Variants in PCDHGA4 observed in about 807,000 individuals in gnomAD.
The protein encoded by PCDHGA4 is protocadherin gamma-A4.
PCDHGA4 carries 38 observed loss-of-function variants against 54.6 expected under a neutral mutation model. The ratio of observed to expected loss-of-function variants is 0.70; its 90% CI spans 0.54 to 0.91. The LOEUF (loss-of-function observed/expected upper bound fraction) is 0.91, where lower values mean the gene tolerates loss of function less well. Ranked by LOEUF, PCDHGA4 falls within the 40% of genes least tolerant of loss-of-function variation. The probability of loss-of-function intolerance (pLI) is 0.00; values close to 1 mark genes in which losing one functional copy is unlikely to be tolerated. For synonymous variants in PCDHGA4, 511 were observed against 512.9 expected, an observed-to-expected ratio of 1.00 and a Z score of 0.05; for missense variants, 1,298 against 1,220.9, an observed-to-expected ratio of 1.06 and a Z score of -0.94.
At chr5:141,378,986 C>T (rs1369970851) in intron 1 of PCDHGA4, 2 of 152,156 alleles carry the variant, frequency 1.3e-5, no homozygotes, top group African/African-American at 4.8e-5. Flanking sequence ...TGTTGAACTA[C>T]ATTATAGTCA....
intron 1 of PCDHGA4, among the ~76,000 whole-genome samples, chr5:141,449,868 T>C (rs902371897): frequency 1.3e-5 from 2 of 151,910 alleles, no homozygotes; most frequent in African/African-American, 4.8e-5. Flanking sequence ...AATCAGAAAA[T>C]TTAACATCAA....
chr5:141,382,789 T>A, intron 1 of PCDHGA4: 1 of 924,650 alleles, frequency 1.1e-6, no homozygotes, highest in Non-Finnish European at 1.6e-6. Flanking sequence ...CAAGCCTCTA[T>A]CCTGCTGGAT....
intron 1 of PCDHGA4, chr5:141,421,422 C>T (rs908483513): frequency 6.2e-7 from 1 of 1,614,086 alleles, no homozygotes; most frequent in Non-Finnish European, 8.5e-7. Flanking sequence ...AGCGCGGAGT[C>T]CGCATCGTCT....
intron 1 of PCDHGA4, chr5:141,375,232 C>G: frequency 6.2e-7 from 1 of 1,613,986 alleles, no homozygotes; most frequent in Non-Finnish European, 8.5e-7. Flanking sequence ...GCCTGGTAAC[C>G]TGTTCCATCC....
chr5:141,386,620 C>T (rs73279071), intron 1 of PCDHGA4, among the ~76,000 whole-genome samples: 2 of 151,558 alleles, frequency 1.3e-5, no homozygotes, highest in Non-Finnish European at 2.9e-5. Context: ...CATGGAGTCT[C>T]GCTCTGTCAC....
At chr5:141,467,628 C>G (rs181245841) in intron 1 of PCDHGA4, among the ~76,000 whole-genome samples, 49 of 152,224 alleles carry the variant, frequency 3.2e-4, no homozygotes, top group African/African-American at 1.1e-3. Context: ...TTTGAGATAG[C>G]ATCTTTATCA....
At position 141,381,798 on chromosome 5, in the gene PCDHGA4, C is replaced by CTCTT. The variant is rs372235829; in HGVS notation, c.2514+24198_2514+24201dup. ...ATCAGGAACAAGGCAAGGCAATTCC[C>CTCTT]TCTTTCTTTCTTTCTTTCTTTCTTC... is the stretch of plus-strand genomic sequence containing the variant. On this transcript the variant is annotated intron_variant, in intron 1 of 3. Coordinates refer to ENST00000571252, the MANE Select transcript of PCDHGA4 (RefSeq NM_018917.4). Among the ~76,000 whole-genome samples, 697 of 144,002 alleles carry CTCTT rather than the reference C, an allele frequency of 4.8e-3. 9 individuals carry two copies. The highest frequency in any genetic ancestry group is 9.2e-3 in the South Asian group (42 of 4,556). 94.5% of individuals were successfully genotyped at this position (144,002 alleles called of 152,430 possible).
chr5:141,441,843 G>T, intron 1 of PCDHGA4: 1 of 356,176 alleles, frequency 2.8e-6, no homozygotes. Context: ...TCGCGCTCTT[G>T]GATATGGTGC....
At chr5:141,389,813 C>T (rs575968401) in intron 1 of PCDHGA4, 18 of 1,613,844 alleles carry the variant, frequency 1.1e-5, no homozygotes, top group South Asian at 2.2e-5. Flanking sequence ...TTCTGGTCGC[C>T]GTGCGTGACG....
chr5:141,489,696 C>T lies in PCDHGA4; in HGVS notation c.2515-5111C>T. On this transcript the variant is annotated intron_variant, in intron 1 of 3. Transcript: ENST00000571252. This position sits in a 1 kb window ranked among gnomAD's most constrained non-coding sequence, Gnocchi z 4.5. ...AATCAGCAGCATCTGGGGCACGATT[C>T]CCACTGGACAGTGCCCAGGATCCGG... 6.2e-7 allele frequency: 1 copy of T among 1,614,170 alleles called. No homozygotes were observed. Among genetic ancestry groups the T allele is most frequent in the Non-Finnish European group, 8.5e-7 (1 of 1,180,002 alleles).
At chr5:141,501,881 C>T (rs1396427606) in intron 2 of PCDHGA4, among the ~76,000 whole-genome samples, 1 of 152,124 alleles carries the variant, frequency 6.6e-6, no homozygotes, top group East Asian at 1.9e-4. Context: ...CCTTACACTC[C>T]TGATCATCAT....
chr5:141,510,251 C>G (rs569804850), intron 3 of PCDHGA4, among the ~76,000 whole-genome samples: 1 of 144,724 alleles, frequency 6.9e-6, no homozygotes, highest in African/African-American at 2.6e-5. Flanking sequence ...CCAGGCTGGG[C>G]GACAGAGCAG....
chr5:141,462,486 G>A (rs62379193), intron 1 of PCDHGA4, among the ~76,000 whole-genome samples: 5,124 of 152,042 alleles, frequency 0.034, 100 homozygotes, highest in Middle Eastern at 0.088. Flanking sequence ...CGTGGTTGTT[G>A]TATCCTATAA....
Position 141,384,211 on chromosome 5 carries a change from A to G in PCDHGA4, c.2514+26590A>G, listed in dbSNP as rs1779844245. On this transcript the variant is annotated intron_variant, in intron 1 of 3. Transcript: ENST00000571252. The stretch of plus-strand genomic sequence containing the variant: ...TCCTCCCTTGTCCAGGGAAACTCAC[A>G]TATTCATGCAGGTGGCAGACACCAA... The G allele has an allele frequency of 6.2e-7, 1 of 1,613,880 alleles. No individual in the cohort carries two copies. Among genetic ancestry groups the G allele is most frequent in the Non-Finnish European group, 8.5e-7 (1 of 1,179,872 alleles).
intron 1 of PCDHGA4, among the ~76,000 whole-genome samples, chr5:141,492,927 G>A (rs925569925): frequency 2.0e-5 from 3 of 152,180 alleles, no homozygotes; most frequent in Admixed American, 6.5e-5. Context: ...AGCGATCTAG[G>A]GTCAGAGATT....
chr5:141,371,232 G>A lies in PCDHGA4; in HGVS notation c.2514+13611G>A, dbSNP rs1383557802. On this transcript the variant is annotated intron_variant, in intron 1 of 3. Coordinates refer to ENST00000571252, the MANE Select transcript of PCDHGA4 (RefSeq NM_018917.4). ...GGGCATCAATGCCGAAATCATCTATGCCTTCATCAATATTGGCAAGGAAGT... is the reference window on the plus strand; with the variant it reads ...GGGCATCAATGCCGAAATCATCTATACCTTCATCAATATTGGCAAGGAAGT... 6 of 1,613,918 alleles carry A rather than the reference G, an allele frequency of 3.7e-6. No homozygotes were observed. In the Admixed American group the frequency reaches 6.7e-5, roughly 18 times the overall value.
chr5:141,389,001 G>T (rs1313177903), intron 1 of PCDHGA4: 1 of 1,614,018 alleles, frequency 6.2e-7, no homozygotes, highest in Non-Finnish European at 8.5e-7. Context: ...CCGTGACAAG[G>T]ATTCCAGACA....
intron 1 of PCDHGA4, among the ~76,000 whole-genome samples, chr5:141,433,404 T>TATCTATCA (rs757435896): frequency 6.8e-6 from 1 of 146,200 alleles, no homozygotes; most frequent in Non-Finnish European, 1.5e-5. Flanking sequence ...TCTATCTATC[T>TATCTATCA]ATTACTTTCT....
intron 1 of PCDHGA4, chr5:141,441,516 C>T (rs1034274864): frequency 4.0e-5 from 7 of 173,082 alleles, no homozygotes; most frequent in Non-Finnish European, 8.7e-5. Flanking sequence ...ACGTCGTCCA[C>T]GTGGCCAAGA....
Sources: gnomAD v4.1 joint callset for allele counts (sites outside exome capture counted in the v4.1 genomes callset) on GRCh38, gnomAD v4.1.1 for gene constraint, Gnocchi (gnomAD v3.1) non-coding constraint, MANE v1.5 for transcripts, NCBI Gene and HGNC (gene_info 2026-07-23, HGNC 2026-07-21) for gene names.